The following SHC4 variants were observed in gnomAD, a reference collection of about 807,000 sequenced individuals.
SHC4 encodes SHC adaptor protein 4.
A neutral mutation model predicts 69.4 loss-of-function variants in SHC4; 41 were observed. The ratio of observed to expected loss-of-function variants is 0.59; its 90% CI spans 0.46 to 0.77. The LOEUF (loss-of-function observed/expected upper bound fraction) is 0.77, where lower values mean the gene tolerates loss of function less well. Among genes scored for constraint, SHC4 ranks in the 30% least tolerant of loss-of-function variants. SHC4 has a pLI of 0.00. For synonymous variants in SHC4, 318 were observed against 299.3 expected, an observed-to-expected ratio of 1.06 and a Z score of -0.64; for missense variants, 777 against 783.8, an observed-to-expected ratio of 0.99 and a Z score of 0.10.
intron 1 of SHC4, among the ~76,000 whole-genome samples, chr15:48,956,978 T>C (rs1406358873): frequency 7.4e-6 from 1 of 135,060 alleles, no homozygotes; most frequent in Non-Finnish European, 1.6e-5. Flanking sequence ...TTCTTTCTTT[T>C]TTTTTTTTTT....
At chr15:48,875,042 C>T (rs943746699) in intron 4 of SHC4, among the ~76,000 whole-genome samples, 4 of 152,158 alleles carry the variant, frequency 2.6e-5, no homozygotes, top group African/African-American at 7.2e-5. Flanking sequence ...GGGAAAGATC[C>T]AGTGATGAGA....
At position 48,844,964 on chromosome 15, in the gene SHC4, C is replaced by T. The variant is rs117803229; in HGVS notation, c.1304-1376G>A. On this transcript the variant is annotated intron_variant, in intron 9 of 11. Transcript: ENST00000332408. ...TATGTCTTTATTAGCAGCATGAGAA[C>T]ATATGAATACAACCTCCAAAGTCCA... Among the ~76,000 whole-genome samples the T allele has an allele frequency of 3.2e-3, 490 of 152,292 alleles. 8 individuals carry two copies. The highest frequency in any genetic ancestry group is 0.025 in the Admixed American group (386 of 15,288).
chr15:48,890,737 T>C lies in SHC4; in HGVS notation c.720+11A>G. On this transcript the variant is annotated intron_variant, in intron 3 of 11. Coordinates refer to ENST00000332408, the MANE Select transcript of SHC4 (RefSeq NM_203349.4). ...GGGAAACATAAACAAGAAAACCACATCATCATTTACCTTTCGCTTTTTAAT... is the reference window on the plus strand; with the variant it reads ...GGGAAACATAAACAAGAAAACCACACCATCATTTACCTTTCGCTTTTTAAT... The C allele has an allele frequency of 1.2e-6, 2 of 1,614,052 alleles. No individual in the cohort carries two copies. The highest frequency in any genetic ancestry group is 1.7e-6 in the Non-Finnish European group (2 of 1,179,944).
chr15:48,904,816 T>C (rs927909581), intron 2 of SHC4, among the ~76,000 whole-genome samples: 1 of 151,502 alleles, frequency 6.6e-6, no homozygotes, highest in Non-Finnish European at 1.5e-5. Flanking sequence ...AGCCCAGGAG[T>C]TTGAGACTGC....
chr15:48,851,303 T>A, intron 8 of SHC4, 55 bp from the exon 9 acceptor site: 1 of 1,557,886 alleles, frequency 6.4e-7, no homozygotes, highest in Admixed American at 1.7e-5. Flanking sequence ...ATTCATAAAC[T>A]TAAAAGAAAA....
chr15:48,872,764 T>C (rs893872627), intron 4 of SHC4, among the ~76,000 whole-genome samples: 1 of 152,208 alleles, frequency 6.6e-6, no homozygotes, highest in Admixed American at 6.5e-5. Flanking sequence ...CTAATATGAG[T>C]AAGAATCGCC....
At chr15:48,850,160 G>A (rs779439876) in intron 9 of SHC4, among the ~76,000 whole-genome samples, 1 of 152,112 alleles carries the variant, frequency 6.6e-6, no homozygotes, top group Non-Finnish European at 1.5e-5. Context: ...CCGAGGTTGC[G>A]CCATTGCACT....
intron 1 of SHC4, among the ~76,000 whole-genome samples, chr15:48,959,150 G>A (rs1031670668): frequency 2.6e-5 from 4 of 152,188 alleles, no homozygotes; most frequent in African/African-American, 7.2e-5. Context: ...GAGAAAATAT[G>A]CAAGAAAACA....
At chr15:48,925,015 C>T (rs75565326) in intron 1 of SHC4, 66 bp from the exon 2 acceptor site, 25 of 1,537,514 alleles carry the variant, frequency 1.6e-5, no homozygotes, top group Middle Eastern at 1.7e-4. Flanking sequence ...CTTAGCTTCA[C>T]GGCAACTTCC....
At chr15:48,943,198 T>C (rs1304278080) in intron 1 of SHC4, among the ~76,000 whole-genome samples, 1 of 152,148 alleles carries the variant, frequency 6.6e-6, no homozygotes, top group East Asian at 1.9e-4. Flanking sequence ...ATTAGATCTC[T>C]AGACCTATTC....
rs1024458312 is a variant in SHC4, at chr15:48,924,892, T to C, written c.643A>G (p.Thr215Ala). 1.9e-6 allele frequency: 3 copies of C among 1,614,120 alleles called. No homozygotes were observed. Among genetic ancestry groups the C allele is most frequent in the Non-Finnish European group, 2.5e-6 (3 of 1,180,002 alleles). Residue 215 changes from threonine (T) to alanine (A), a missense_variant, in exon 2 of 12, where the codon ACC becomes GCC. Physicochemically the swap from Thr to Ala is moderately conservative, Grantham distance 58. Coordinates refer to ENST00000332408, the MANE Select transcript of SHC4 (RefSeq NM_203349.4). Reference sequence around the variant, plus strand: ...TTGGCTTCTTACCTTGTAACTTGGGTTCTCATTCCAAAATCCAGTGATCTC... The same window carrying C: ...TTGGCTTCTTACCTTGTAACTTGGGCTCTCATTCCAAAATCCAGTGATCTC... ...SMRSLDFGMR[T>A]QVTREAISRL... is the part of the protein sequence containing the mutation.
chr15:48,946,178 C>T (rs1901273047), intron 1 of SHC4: 1 of 152,100 alleles, frequency 6.6e-6, no homozygotes, highest in Non-Finnish European at 1.5e-5. Context: ...AGAAATAGCT[C>T]CCTTCTCCCT....
At chr15:48,877,293 A>C (rs1052078894) in intron 4 of SHC4, 2 of 528,754 alleles carry the variant, frequency 3.8e-6, no homozygotes, top group Non-Finnish European at 4.9e-6. Flanking sequence ...CAGGGCTCCC[A>C]TTGATTCTAC....
At position 48,876,501 on chromosome 15, in the gene SHC4, A is replaced by G. The variant is rs776975895; in HGVS notation, c.841-4359T>C. 3 of 543,700 alleles carry G rather than the reference A, an allele frequency of 5.5e-6. No homozygotes were observed. The South Asian group carries it at 8.1e-5, about 15-fold the overall frequency. 33.7% of individuals were successfully genotyped at this position (543,700 alleles called of 1,614,324 possible). On this transcript the variant is annotated intron_variant, in intron 4 of 11. Transcript: ENST00000332408. The stretch of plus-strand genomic sequence containing the variant: ...CACATACACACATACATATACACAT[A>G]TATATGTATATATATGTAAAGGGGA...
At chr15:48,906,023 A>G (rs1047281127) in intron 2 of SHC4, among the ~76,000 whole-genome samples, 1 of 152,216 alleles carries the variant, frequency 6.6e-6, no homozygotes, top group African/African-American at 2.4e-5. Context: ...AGGACTCCTC[A>G]GCAAATGAAA....
At chr15:48,869,960 TA>T (rs1028654879) in intron 5 of SHC4, among the ~76,000 whole-genome samples, 64 of 152,250 alleles carry the variant, frequency 4.2e-4, no homozygotes, top group African/African-American at 1.4e-3. Flanking sequence ...TTGGTCAATT[TA>T]AAGAACTAAA....
chr15:48,917,850 G>C (rs1050524213), intron 2 of SHC4, among the ~76,000 whole-genome samples: 6 of 152,164 alleles, frequency 3.9e-5, no homozygotes, highest in Non-Finnish European at 8.8e-5. Context: ...TTGGCAGAAA[G>C]GTCCCTCTAA....
At chr15:48,912,536 C>T (rs1344492975) in intron 2 of SHC4, among the ~76,000 whole-genome samples, 5 of 152,324 alleles carry the variant, frequency 3.3e-5, no homozygotes, top group African/African-American at 1.2e-4. Context: ...CTTCACCCTT[C>T]TCTGGTCCCT....
At position 48,860,615 on chromosome 15, in the gene SHC4, G is replaced by A. The variant is rs191580089; in HGVS notation, c.947-2800C>T. On this transcript the variant is annotated intron_variant, in intron 6 of 11. Transcript: ENST00000332408. Reference sequence around the variant, plus strand: ...AATTTTATTTTTTCTTAGGATTGAGGAGATGTTGAGAGATGAAGATGAGGA... The same window carrying A: ...AATTTTATTTTTTCTTAGGATTGAGAAGATGTTGAGAGATGAAGATGAGGA... Among the ~76,000 whole-genome samples the A allele has an allele frequency of 2.6e-3, 400 of 152,296 alleles. 2 individuals are homozygous for A. Among genetic ancestry groups the A allele is most frequent in the African/African-American group, 9.2e-3 (382 of 41,550 alleles).
Sources: allele counts gnomAD v4.1 joint callset (sites outside exome capture counted in the v4.1 genomes callset), GRCh38; gene constraint gnomAD v4.1.1; transcripts MANE v1.5; gene names NCBI Gene and HGNC (gene_info 2026-07-23, HGNC 2026-07-21).